SUPT16H: variants seen among roughly 807,000 people sequenced by gnomAD.
SUPT16H encodes SPT16 homolog, facilitates chromatin remodeling subunit, also known as FACT complex subunit SPT16.
In SUPT16H, 24 loss-of-function variants were observed where a neutral mutation model predicts 136.2. The ratio of observed to expected loss-of-function variants is 0.18; its 90% CI spans 0.13 to 0.25. The LOEUF (loss-of-function observed/expected upper bound fraction) is 0.25. Among genes scored for constraint, SUPT16H ranks in the 10% least tolerant of loss-of-function variants. The pLI, the probability that SUPT16H is intolerant of heterozygous loss-of-function variation, is 1.00. For missense variants in SUPT16H, 623 were observed against 1,270.2 expected (o/e 0.49, Z 7.74); for synonymous variants, 415 against 428.2 (o/e 0.97, Z 0.38).
chr14:21,373,644 C>G (rs1203829655), intron 1 of SUPT16H, among the ~76,000 whole-genome samples: 1 of 152,092 alleles, frequency 6.6e-6, no homozygotes, highest in Non-Finnish European at 1.5e-5. Flanking sequence ...TTCCTTAGCC[C>G]CCAGATCTAT....
intron 8 of SUPT16H, among the ~76,000 whole-genome samples, chr14:21,365,868 C>T (rs1009882189): frequency 6.6e-6 from 1 of 152,084 alleles, no homozygotes; most frequent in South Asian, 2.1e-4. Flanking sequence ...TTTGGGAGAT[C>T]AAGGTGGGAG....
chr14:21,360,325 G>T, intron 18 of SUPT16H, 90 bp downstream of exon 18: 1 of 1,068,382 alleles, frequency 9.4e-7, no homozygotes. Flanking sequence ...ACCGCGCCCA[G>T]CCCTTTCATC....
intron 15 of SUPT16H, among the ~76,000 whole-genome samples, chr14:21,361,772 T>C (rs1566384853): frequency 6.6e-6 from 1 of 152,142 alleles, no homozygotes; most frequent in African/African-American, 2.4e-5. Context: ...TTTTCATAAT[T>C]ATTTTTTTTT....
chr14:21,370,598 CCTCCCATCCCCACCTA>C, intron 3 of SUPT16H, 110 bp from the exon 4 acceptor site: 3 of 1,177,612 alleles, frequency 2.5e-6, no homozygotes, highest in Non-Finnish European at 3.6e-6. Context: ...AATTAATTCT[CCTCCCATCCCCACCTA>C]CTTTTTACTT....
At chr14:21,360,796 A>G in intron 17 of SUPT16H, 50 bp downstream of exon 17, 1 of 1,575,150 alleles carries the variant, frequency 6.3e-7, no homozygotes, top group Non-Finnish European at 8.6e-7. Context: ...GTCATTCCTA[A>G]CAAATGTGCC....
At position 21,369,828 on chromosome 14, in the gene SUPT16H, C is replaced by A; in HGVS notation, c.552G>T (p.Lys184Asn). ...VKEDGELNLMKKAASITSEVF... is the reference protein window; with the variant it reads ...VKEDGELNLMNKAASITSEVF... Reference sequence around the variant, plus strand: ...CTTCAGAAGTGATGCTGGCTGCTTTCTTCATTAGGTTGAGCTCCCCATCCT... The same window carrying A: ...CTTCAGAAGTGATGCTGGCTGCTTTATTCATTAGGTTGAGCTCCCCATCCT... Residue 184 changes from lysine to asparagine, a missense_variant, in exon 5 of 26, where the codon AAG becomes AAT. Lys to Asn is a moderately conservative substitution (Grantham distance 94). This residue lies in a region of SUPT16H where 343 missense variants were observed against 525.7 expected (regional missense o/e 0.65). Transcript: ENST00000216297. 6.2e-7 allele frequency: 1 copy of A among 1,614,178 alleles called. No homozygotes were observed. The highest frequency in any genetic ancestry group is 8.5e-7 in the Non-Finnish European group (1 of 1,180,008).
chr14:21,363,804 G>A (rs1048077032), intron 10 of SUPT16H, among the ~76,000 whole-genome samples: 1 of 151,862 alleles, frequency 6.6e-6, no homozygotes, highest in Non-Finnish European at 1.5e-5. Context: ...TCAGCCTCCC[G>A]AGTAGCTGGA....
chr14:21,365,665 A>T (rs1886649207), intron 8 of SUPT16H, among the ~76,000 whole-genome samples: 1 of 152,192 alleles, frequency 6.6e-6, no homozygotes, highest in Non-Finnish European at 1.5e-5. Flanking sequence ...CCTTTGTTCC[A>T]TTACACGTTA....
At position 21,383,916 on chromosome 14, in the gene SUPT16H, A is replaced by G. The variant is rs763002389; in HGVS notation, c.12T>C (p.Thr4=). 1.2e-5 allele frequency: 20 copies of G among 1,612,476 alleles called. No homozygotes were observed. In the South Asian group the frequency reaches 2.2e-4, roughly 18 times the overall value. ...GCCGATAATAAGCGTCTTTGTCCAGAGTCACAGCCATAGCCCCGGACGCCG... is the reference window on the plus strand; with the variant it reads ...GCCGATAATAAGCGTCTTTGTCCAGGGTCACAGCCATAGCCCCGGACGCCG... MAV[T]LDKDAYYRRV... Residue 4 remains threonine, a synonymous_variant, in exon 1 of 26, where the codon ACT becomes ACC. Transcript: ENST00000216297.
intron 21 of SUPT16H, 112 bp from the exon 22 acceptor site, chr14:21,357,478 T>C: frequency 8.3e-7 from 1 of 1,210,614 alleles, no homozygotes; most frequent in Non-Finnish European, 1.1e-6. Context: ...TAAGCTGTTT[T>C]TTGGTTTTTT....
intron 10 of SUPT16H, 80 bp downstream of exon 10, chr14:21,364,747 C>G (rs1362267865): frequency 8.0e-7 from 1 of 1,255,638 alleles, no homozygotes; most frequent in Non-Finnish European, 1.2e-6. Flanking sequence ...TTTAACAAAG[C>G]AAGAAAAAAA....
intron 22 of SUPT16H, 129 bp from the exon 23 acceptor site, chr14:21,354,669 G>C: frequency 9.0e-7 from 1 of 1,114,736 alleles, no homozygotes; most frequent in Non-Finnish European, 1.2e-6. Context: ...TTCGCTCACT[G>C]CAACCTCTGC....
At chr14:21,375,284 G>A (rs1453022367) in intron 1 of SUPT16H, among the ~76,000 whole-genome samples, 1 of 151,998 alleles carries the variant, frequency 6.6e-6, no homozygotes, top group East Asian at 1.9e-4. Context: ...TGAAGTGCTG[G>A]GATTACAGGC....
At chr14:21,355,818 A>G (rs1886421459) in intron 22 of SUPT16H, among the ~76,000 whole-genome samples, 1 of 152,196 alleles carries the variant, frequency 6.6e-6, no homozygotes, top group Non-Finnish European at 1.5e-5. Flanking sequence ...CTGCCTGAGA[A>G]CCACTGGCAT....
In SUPT16H at chr14:21,352,457, C is replaced by T. The variant is rs1458530061; in HGVS notation, c.*216G>A. The T allele has an allele frequency of 3.1e-6, 2 of 647,998 alleles. No individual in the cohort carries two copies. The highest frequency in any genetic ancestry group is 5.3e-6 in the Non-Finnish European group (2 of 378,826). 40.1% of individuals were successfully genotyped at this position (647,998 alleles called of 1,614,324 possible). A position where few individuals can be genotyped will look rare whatever the true frequency, so the allele number is the denominator to read the frequency against. ...AGCCTCCTCCTGTCTTCAAGAACAC[C>T]TCCTCCCTTGCCATCTGAATGGGGC... On this transcript the variant is annotated 3_prime_UTR_variant, in exon 26 of 26. Coordinates refer to ENST00000216297, the MANE Select transcript of SUPT16H (RefSeq NM_007192.4).
At chr14:21,357,810 G>C (rs1594298365) in intron 21 of SUPT16H, 117 bp downstream of exon 21, 2 of 1,043,052 alleles carry the variant, frequency 1.9e-6, no homozygotes, top group Non-Finnish European at 1.4e-6. Context: ...TGTTCAATGA[G>C]TTTTAAGTCT....
intron 1 of SUPT16H, among the ~76,000 whole-genome samples, chr14:21,382,378 C>A (rs1477430876): frequency 6.6e-6 from 1 of 152,140 alleles, no homozygotes; most frequent in Non-Finnish European, 1.5e-5. Context: ...AAATAACTTT[C>A]ATGGATTTAA....
chr14:21,365,266 C>T, intron 8 of SUPT16H, 123 bp from the exon 9 acceptor site: 1 of 869,842 alleles, frequency 1.1e-6, no homozygotes, highest in Non-Finnish European at 1.8e-6. Flanking sequence ...TTTACCCCTG[C>T]TGACCGCTCA....
chr14:21,360,654 C>A, intron 17 of SUPT16H, 121 bp from the exon 18 acceptor site: 1 of 1,206,566 alleles, frequency 8.3e-7, no homozygotes. Context: ...TAGAGCTTTC[C>A]TTTCCTTCTG....
Sources: gnomAD v4.1 joint callset for allele counts (sites outside exome capture counted in the v4.1 genomes callset) on GRCh38, gnomAD v4.1.1 for gene constraint, gnomAD v4.1.1 regional missense constraint, MANE v1.5 for transcripts, NCBI Gene and HGNC (gene_info 2026-07-23, HGNC 2026-07-21) for gene names.